Variants in SVEP1 observed in about 807,000 individuals in gnomAD.
SVEP1 encodes sushi, von Willebrand factor type A, EGF and pentraxin domain-containing protein 1.
SVEP1 carries 164 observed loss-of-function variants against 367.3 expected under a neutral mutation model. The ratio of observed to expected loss-of-function variants is 0.45; its 90% CI spans 0.39 to 0.51. SVEP1 has a LOEUF of 0.51. SVEP1 is among the 20% of genes least tolerant of loss of function. The probability of loss-of-function intolerance (pLI) is 0.00; values close to 1 mark genes in which losing one functional copy is unlikely to be tolerated. For missense variants in SVEP1, 4,117 were observed against 4,425.3 expected, an observed-to-expected ratio of 0.93 and a Z score of 1.98; for synonymous variants, 1,666 against 1,611.6, an observed-to-expected ratio of 1.03 and a Z score of -0.81.
Position 110,375,474 on chromosome 9 carries a change from A to AAAAAAG in SVEP1, c.10505-12_10505-11insCTTTTT. 1 of 1,505,230 alleles carries AAAAAAG rather than the reference A, an allele frequency of 6.6e-7. No individual in the cohort carries two copies. Among genetic ancestry groups the AAAAAAG allele is most frequent in the South Asian group, 1.3e-5 (1 of 77,898 alleles). 93.2% of individuals were successfully genotyped at this position (1,505,230 alleles called of 1,614,324 possible). The stretch of plus-strand genomic sequence containing the variant: ...GAAGAATGCAGATTGCTAAAAAAAA[A>AAAAAAG]AAAAAAAAAAAAAAAAGGAGGCAGG... On this transcript the variant is annotated splice_polypyrimidine_tract_variant and intron_variant, in intron 45 of 47. Coordinates refer to ENST00000374469, the MANE Select transcript of SVEP1 (RefSeq NM_153366.4).
intron 21 of SVEP1, 84 bp from the exon 22 acceptor site, chr9:110,455,787 T>C (rs879912361): frequency 2.7e-6 from 3 of 1,093,526 alleles, no homozygotes; most frequent in Non-Finnish European, 3.8e-6. Context: ...GGTAATTATC[T>C]CAATAATCAG....
intron 8 of SVEP1, among the ~76,000 whole-genome samples, chr9:110,492,449 T>A (rs1286610300): frequency 6.6e-6 from 1 of 152,110 alleles, no homozygotes; most frequent in Non-Finnish European, 1.5e-5. Context: ...ACTCTTATTT[T>A]TTTTGCCACA....
chr9:110,386,331 A>T (rs555939191), intron 42 of SVEP1, among the ~76,000 whole-genome samples: 3 of 152,338 alleles, frequency 2.0e-5, no homozygotes, highest in Admixed American at 2.0e-4. Context: ...GTTGAAGATG[A>T]CAATTTATGC....
At chr9:110,494,069 A>C (rs891791943) in intron 8 of SVEP1, among the ~76,000 whole-genome samples, 1 of 152,232 alleles carries the variant, frequency 6.6e-6, no homozygotes, top group Non-Finnish European at 1.5e-5. Flanking sequence ...TCATGTGATT[A>C]AGTTGGATTC....
chr9:110,454,545 A>T (rs1316110921), intron 22 of SVEP1, among the ~76,000 whole-genome samples: 1 of 152,238 alleles, frequency 6.6e-6, no homozygotes, highest in Admixed American at 6.5e-5. Context: ...TAGCAAAGAC[A>T]TGGAATACAC....
Position 110,408,157 on chromosome 9 carries a change from T to A in SVEP1, c.7443A>T (p.Gly2481=). The change falls in exon 38 of 48, where the codon GGA becomes GGT. Residue 2481 remains glycine, a synonymous_variant. Coordinates refer to ENST00000374469, the MANE Select transcript of SVEP1 (RefSeq NM_153366.4). ...ELVGNTTTLC[G]ENGHWLGGKP... ...TTCCTCCAAGCCAGTGACCATTTTC[T>A]CCACAAAGGGTGGTAGTATTTCCCA... 6.2e-7 allele frequency: 1 copy of A among 1,613,914 alleles called. No homozygotes were observed.
chr9:110,443,800 C>A, intron 26 of SVEP1, 80 bp from the exon 27 acceptor site: 1 of 1,262,786 alleles, frequency 7.9e-7, no homozygotes, highest in East Asian at 2.8e-5. Context: ...TACAATTTTT[C>A]TTCTTTTTCT....
In SVEP1 at chr9:110,406,195, T is replaced by C; in HGVS notation, c.9405A>G (p.Gly3135=). ...PPSVANAVAT[G]EAHTYESEVK... is the part of the protein sequence containing the mutation. ...CTTCACTTTCATAGGTGTGTGCCTC[T>C]CCAGTTGCCACTGCATTGGCGACAG... The change falls in exon 38 of 48, where the codon GGA becomes GGG. Residue 3135 remains glycine, a synonymous_variant. Coordinates refer to ENST00000374469, the MANE Select transcript of SVEP1 (RefSeq NM_153366.4). The C allele has an allele frequency of 6.2e-7, 1 of 1,601,726 alleles. No individual in the cohort carries two copies. Among genetic ancestry groups the C allele is most frequent in the Non-Finnish European group, 8.5e-7 (1 of 1,173,322 alleles).
At chr9:110,508,194 C>CT (rs1314987869) in intron 5 of SVEP1, among the ~76,000 whole-genome samples, 1 of 151,904 alleles carries the variant, frequency 6.6e-6, no homozygotes, top group Non-Finnish European at 1.5e-5. Context: ...TTTATTTGGT[C>CT]TTTTTAGAAA....
Position 110,379,468 on chromosome 9 carries a change from G to A in SVEP1, c.10287C>T (p.Gly3429=), listed in dbSNP as rs200002624. 7 of 1,613,574 alleles carry A rather than the reference G, an allele frequency of 4.3e-6. No individual in the cohort carries two copies. The highest frequency in any genetic ancestry group is 1.6e-4 in the Middle Eastern group (1 of 6,076). Residue 3429 remains glycine, a synonymous_variant, in exon 44 of 48, where the codon GGC becomes GGT. Transcript: ENST00000374469. ...PAHVENAIAR[G]VHYQYGDMIT... ...TCATGTCTCCATATTGATAATGTAC[G>A]CCTCGAGCAATTGCATTTTCTACGT...
intron 1 of SVEP1, among the ~76,000 whole-genome samples, chr9:110,561,354 G>A (rs544758602): frequency 1.3e-5 from 2 of 152,180 alleles, no homozygotes; most frequent in African/African-American, 4.8e-5. Flanking sequence ...TAACCCCATC[G>A]TAATAAATTC....
chr9:110,434,315 G>T (rs773174829), intron 30 of SVEP1, 21 bp downstream of exon 30: 5 of 1,579,850 alleles, frequency 3.2e-6, no homozygotes, highest in Non-Finnish European at 4.3e-6. Flanking sequence ...CACTGAAATG[G>T]CTTCAAGAAA....
rs568010525 is a variant in SVEP1, at chr9:110,579,119, G to T, written c.425C>A (p.Thr142Asn). ...GCACTTGTGCTGGCGCGCGCGGCGG[G>T]TGGAGATGTAATCGACGCGCGGCAC... The part of the protein sequence containing the change: ...YVVPRVDYIS[T>N]RRARQHKCAL... The change falls in exon 1 of 48, where the codon ACC (threonine) becomes AAC (asparagine). Residue 142 changes from threonine to asparagine, a missense_variant. Thr to Asn is a moderately conservative substitution (Grantham distance 65). Around this residue, in one of 4 missense-constraint regions of SVEP1, gnomAD observed 2,174 missense variants for 2,494.3 expected, o/e 0.87. Coordinates refer to ENST00000374469, the MANE Select transcript of SVEP1 (RefSeq NM_153366.4). The surrounding 1 kb of genome is among the most constrained non-coding windows in gnomAD (Gnocchi z 5.3). 5.1e-6 allele frequency: 8 copies of T among 1,554,242 alleles called. No individual in the cohort carries two copies. The highest frequency in any genetic ancestry group is 7.0e-6 in the Non-Finnish European group (8 of 1,149,344).
At chr9:110,578,458 C>T (rs942429103) in intron 1 of SVEP1, among the ~76,000 whole-genome samples, 4 of 151,570 alleles carry the variant, frequency 2.6e-5, no homozygotes, top group African/African-American at 7.3e-5. Flanking sequence ...GTTTCTTTTT[C>T]CCCCACTGAA....
At chr9:110,464,874 T>G (rs1406865008) in intron 18 of SVEP1, among the ~76,000 whole-genome samples, 1 of 152,154 alleles carries the variant, frequency 6.6e-6, no homozygotes, top group East Asian at 1.9e-4. Context: ...TTACAGTAGT[T>G]GCAATTTTTT....
chr9:110,428,417 C>CACACACACACACAA, intron 35 of SVEP1, among the ~76,000 whole-genome samples: 1 of 57,084 alleles, frequency 1.8e-5, no homozygotes, highest in South Asian at 5.5e-4. Flanking sequence ...CACACACACA[C>CACACACACACACAA]ACACACACAC....
chr9:110,471,663 A>T lies in SVEP1; in HGVS notation c.2765-66T>A, dbSNP rs185097288. 31 of 1,212,218 alleles carry T rather than the reference A, an allele frequency of 2.6e-5. No individual in the cohort carries two copies. In the African/African-American group the frequency reaches 3.5e-4, roughly 14 times the overall value. The allele number at this position is 1,212,218 out of a possible 1,614,324, so 75.1% of individuals were successfully genotyped here. A position where few individuals can be genotyped will look rare whatever the true frequency, so the allele number is the denominator to read the frequency against. On this transcript the variant is annotated intron_variant, in intron 15 of 47. Coordinates refer to ENST00000374469, the MANE Select transcript of SVEP1 (RefSeq NM_153366.4). The stretch of plus-strand genomic sequence containing the variant: ...TGTTTCAGAAAGTCATTTGTAGTTA[A>T]TTTTTTACCAAACAGAAATACTTAA...
chr9:110,367,521 C>G (rs575602712), intron 47 of SVEP1, among the ~76,000 whole-genome samples: 1 of 152,148 alleles, frequency 6.6e-6, no homozygotes, highest in African/African-American at 2.4e-5. Flanking sequence ...AAAACTTATA[C>G]GGTAACATTT....
At chr9:110,442,461 CTT>C (rs11290774) in intron 27 of SVEP1, 1,816 of 133,408 alleles carry the variant, frequency 0.014, 33 homozygotes, top group African/African-American at 0.046. Context: ...TTTCTTTTTT[CTT>C]TTTTTTTTTT....
Sources: gnomAD v4.1 joint callset for allele counts (sites outside exome capture counted in the v4.1 genomes callset) on GRCh38, gnomAD v4.1.1 for gene constraint, gnomAD v4.1.1 regional missense constraint, Gnocchi (gnomAD v3.1) non-coding constraint, MANE v1.5 for transcripts, NCBI Gene and HGNC (gene_info 2026-07-23, HGNC 2026-07-21) for gene names.